COG7: variants seen among roughly 807,000 people sequenced by gnomAD.
COG7 encodes component of oligomeric golgi complex 7, also known as conserved oligomeric Golgi complex subunit 7.
A neutral mutation model predicts 91.5 loss-of-function variants in COG7; 49 were observed. That is an observed-to-expected ratio of 0.54 (90% CI 0.43 to 0.68). The LOEUF (loss-of-function observed/expected upper bound fraction) is 0.68, where lower values mean the gene tolerates loss of function less well. COG7 is among the 30% of genes least tolerant of loss of function. The pLI is 0.00. For missense variants in COG7, 895 were observed against 961.3 expected (o/e 0.93, Z 0.91); for synonymous variants, 365 against 388.7 (o/e 0.94, Z 0.72).
At chr16:23,397,316 G>A (rs1381400716) in intron 14 of COG7, among the ~76,000 whole-genome samples, 1 of 152,188 alleles carries the variant, frequency 6.6e-6, no homozygotes, top group Admixed American at 6.5e-5. Context: ...AAATCACCTT[G>A]AAAAGTCTCA....
intron 12 of COG7, among the ~76,000 whole-genome samples, chr16:23,405,847 C>T (rs1963451959): frequency 6.6e-6 from 1 of 152,154 alleles, no homozygotes; most frequent in South Asian, 2.1e-4. Flanking sequence ...TGGCTTTTAT[C>T]AGTAATAAAG....
intron 16 of COG7, among the ~76,000 whole-genome samples, chr16:23,391,517 C>T (rs996892192): frequency 6.6e-6 from 1 of 152,110 alleles, no homozygotes; most frequent in Non-Finnish European, 1.5e-5. Flanking sequence ...CTCTGGGACC[C>T]GGAGGAAAGC....
intron 14 of COG7, among the ~76,000 whole-genome samples, chr16:23,395,430 A>T (rs1963270907): frequency 6.6e-6 from 1 of 152,198 alleles, no homozygotes; most frequent in Non-Finnish European, 1.5e-5. Flanking sequence ...TGTAGCCATA[A>T]GCTTTGGCTA....
chr16:23,439,891 T>C (rs928305887), intron 4 of COG7, among the ~76,000 whole-genome samples: 1 of 152,124 alleles, frequency 6.6e-6, no homozygotes, highest in African/African-American at 2.4e-5. Context: ...AATTTTTTTC[T>C]AAAAAAGAAC....
chr16:23,442,967 G>A (rs753527388), intron 3 of COG7, among the ~76,000 whole-genome samples: 32 of 151,666 alleles, frequency 2.1e-4, no homozygotes, highest in Non-Finnish European at 3.7e-4. Flanking sequence ...CTGGAAGGTG[G>A]AGACTGCAGT....
intron 1 of COG7, among the ~76,000 whole-genome samples, chr16:23,448,366 G>A (rs975077747): frequency 2.0e-5 from 3 of 152,146 alleles, no homozygotes; most frequent in African/African-American, 4.8e-5. Context: ...ACATTGGAGT[G>A]CTGTGGTGCA....
chr16:23,406,471 T>C (rs1307073398), intron 11 of COG7, among the ~76,000 whole-genome samples: 3 of 152,178 alleles, frequency 2.0e-5, no homozygotes, highest in African/African-American at 7.2e-5. Context: ...CCCAGTGTTT[T>C]TATTCCTGCT....
At chr16:23,416,820 A>T (rs1963662597) in intron 9 of COG7, 147 bp downstream of exon 9, 2 of 877,024 alleles carry the variant, frequency 2.3e-6, no homozygotes, top group African/African-American at 1.7e-5. Flanking sequence ...AAACAATGCC[A>T]CTATGAATAT....
Position 23,453,030 on chromosome 16 carries a change from A to C in COG7, c.-36T>G. 1.2e-6 allele frequency: 2 copies of C among 1,613,072 alleles called. No homozygotes were observed. The highest frequency in any genetic ancestry group is 1.7e-4 in the Middle Eastern group (1 of 6,016). On this transcript the variant is annotated 5_prime_UTR_variant, in exon 1 of 17. Coordinates refer to ENST00000307149, the MANE Select transcript of COG7 (RefSeq NM_153603.4). ...CCTCAGGCCTGGCGTCCAGAACTTA[A>C]GAGTTGGCTCCGGGCGGCAACGGGG...
intron 3 of COG7, among the ~76,000 whole-genome samples, chr16:23,443,654 T>G (rs571094267): frequency 3.3e-5 from 5 of 152,150 alleles, no homozygotes; most frequent in Admixed American, 6.5e-5. Flanking sequence ...ATCATGCCAC[T>G]GGACTCCGGC....
At chr16:23,448,810 A>T (rs1219855356) in intron 1 of COG7, among the ~76,000 whole-genome samples, 1 of 152,192 alleles carries the variant, frequency 6.6e-6, no homozygotes, top group Admixed American at 6.6e-5. Context: ...ATGCCGAGCA[A>T]GTTACTTAAC....
intron 12 of COG7, among the ~76,000 whole-genome samples, chr16:23,405,486 C>A (rs1855472077): frequency 6.6e-6 from 1 of 151,864 alleles, no homozygotes; most frequent in South Asian, 2.1e-4. Context: ...GTCCCCCTAG[C>A]CGCAGATCTA....
chr16:23,417,852 C>T (rs975274677), intron 8 of COG7, among the ~76,000 whole-genome samples: 4 of 152,098 alleles, frequency 2.6e-5, no homozygotes, highest in Admixed American at 2.0e-4. Flanking sequence ...CACTGAAGTG[C>T]AATAGACTTT....
chr16:23,434,255 C>T (rs1403019977), intron 5 of COG7, among the ~76,000 whole-genome samples: 2 of 152,098 alleles, frequency 1.3e-5, no homozygotes, highest in African/African-American at 4.8e-5. Flanking sequence ...CACCGCACTC[C>T]AGGCTGGGCA....
intron 1 of COG7, 134 bp downstream of exon 1, chr16:23,452,692 G>A: frequency 1.4e-6 from 2 of 1,461,084 alleles, no homozygotes; most frequent in Non-Finnish European, 1.8e-6. Context: ...CAGGAGTTCG[G>A]GGCTTGCTCT....
At chr16:23,424,410 T>C (rs1055406504) in intron 7 of COG7, among the ~76,000 whole-genome samples, 48 of 151,432 alleles carry the variant, frequency 3.2e-4, no homozygotes, top group African/African-American at 9.4e-4. Flanking sequence ...CACACTTGCC[T>C]CCTGGTGTAA....
intron 12 of COG7, among the ~76,000 whole-genome samples, chr16:23,405,778 A>G (rs1325319664): frequency 6.6e-6 from 1 of 152,094 alleles, no homozygotes. Context: ...CGGCCTCCCA[A>G]AGTGCTGGGA....
At position 23,389,478 on chromosome 16, in the gene COG7, C is replaced by T. The variant is rs149921223; in HGVS notation, c.2147-392G>A. ...TCACATCCACACTCACACTCACATG[C>T]ACACACCCGCCTTCAGCACCAGTCT... On this transcript the variant is annotated intron_variant, in intron 16 of 16. Transcript: ENST00000307149. 2.3e-3 allele frequency among the ~76,000 whole-genome samples: 343 copies of T among 152,228 alleles called. 1 individual carries two copies. The highest frequency in any genetic ancestry group is 3.6e-3 in the Admixed American group (55 of 15,286).
chr16:23,414,350 C>G (rs570038971), intron 9 of COG7: 28 of 152,102 alleles, frequency 1.8e-4, no homozygotes, highest in Admixed American at 1.6e-3. Context: ...AAAAATTAGG[C>G]GGGTGTGGTA....
Sources: gnomAD v4.1 joint callset for allele counts (sites outside exome capture counted in the v4.1 genomes callset) on GRCh38, gnomAD v4.1.1 for gene constraint, MANE v1.5 for transcripts, NCBI Gene and HGNC (gene_info 2026-07-23, HGNC 2026-07-21) for gene names.